The following BOD1 variants were observed in gnomAD, a reference collection of about 807,000 sequenced individuals.
The protein encoded by BOD1 is biorientation of chromosomes in cell division protein 1.
BOD1 carries 11 observed loss-of-function variants against 15.7 expected under a neutral mutation model. That is an observed-to-expected ratio of 0.70 (90% CI 0.44 to 1.16). The LOEUF (loss-of-function observed/expected upper bound fraction) is 1.16, where lower values mean the gene tolerates loss of function less well. Ranked by LOEUF, BOD1 falls within the 50% of genes most tolerant of loss-of-function variation. The probability of loss-of-function intolerance (pLI) is 0.00; values close to 1 mark genes in which losing one functional copy is unlikely to be tolerated. For synonymous variants in BOD1, 105 were observed against 103.5 expected (o/e 1.01, Z -0.09); for missense variants, 182 against 244.5 (o/e 0.74, Z 1.70).
chr5:173,608,637 C>T (rs1298573126), intron 3 of BOD1, among the ~76,000 whole-genome samples: 1 of 152,232 alleles, frequency 6.6e-6, no homozygotes, highest in Non-Finnish European at 1.5e-5. Context: ...CTAACTTCAT[C>T]GCTGCTCCTA....
At chr5:173,615,960 T>C (rs541393427) in intron 1 of BOD1, among the ~76,000 whole-genome samples, 3 of 152,312 alleles carry the variant, frequency 2.0e-5, no homozygotes, top group East Asian at 3.9e-4. Flanking sequence ...AAACCCACAT[T>C]GAAACCCCAA....
At position 173,608,040 on chromosome 5, in the gene BOD1, C is replaced by G. The variant is rs1170944596; in HGVS notation, c.*254G>C. The G allele has an allele frequency of 6.3e-6, 3 of 475,604 alleles. No homozygotes were observed. The East Asian group carries it at 8.7e-5, about 14-fold the overall frequency. 29.5% of individuals were successfully genotyped at this position (475,604 alleles called of 1,614,324 possible). A position where few individuals can be genotyped will look rare whatever the true frequency, so the allele number is the denominator to read the frequency against. On this transcript the variant is annotated 3_prime_UTR_variant, in exon 4 of 4. Coordinates refer to ENST00000311086, the MANE Select transcript of BOD1 (RefSeq NM_138369.3). ...AACCCTGGGTTGCTGTAGTGTTTCT[C>G]TCTCTGTAGTGTCTACTTGGTGTCA...
chr5:173,616,422 G>A lies in BOD1; in HGVS notation c.15C>T (p.Gly5=). 1 of 1,545,004 alleles carries A rather than the reference G, an allele frequency of 6.5e-7. No individual in the cohort carries two copies. Among genetic ancestry groups the A allele is most frequent in the Non-Finnish European group, 8.6e-7 (1 of 1,157,050 alleles). The part of the protein sequence containing the change: MADG[G]GGGGTGAVGG... ...CCACCGCGCCAGTTCCCCCGCCGCC[G>A]CCGCCGTCCGCCATGGCTGCGCCCC... The change falls in exon 1 of 4, where the codon GGC becomes GGT. Residue 5 remains glycine, a synonymous_variant. Transcript: ENST00000311086.
Position 173,608,141 on chromosome 5 carries a change from C to G in BOD1, c.*153G>C. On this transcript the variant is annotated 3_prime_UTR_variant, in exon 4 of 4. Coordinates refer to ENST00000311086, the MANE Select transcript of BOD1 (RefSeq NM_138369.3). ...GTCAACTCTCCCACTGCCGAACTTGCTCCCCTTTCAATCTGGTCACTGCCC... is the reference window on the plus strand; with the variant it reads ...GTCAACTCTCCCACTGCCGAACTTGGTCCCCTTTCAATCTGGTCACTGCCC... The G allele has an allele frequency of 2.2e-6, 2 of 910,036 alleles. No individual in the cohort carries two copies. Among genetic ancestry groups the G allele is most frequent in the Non-Finnish European group, 3.6e-6 (2 of 558,194 alleles). The allele number at this position is 910,036 out of a possible 1,614,324, so 56.4% of individuals were successfully genotyped here. A position where few individuals can be genotyped will look rare whatever the true frequency, so the allele number is the denominator to read the frequency against.
At chr5:173,609,536 A>C (rs1755293713) in intron 2 of BOD1, 102 bp from the exon 3 acceptor site, 2 of 1,200,566 alleles carry the variant, frequency 1.7e-6, no homozygotes, top group East Asian at 4.7e-5. Context: ...CCACCTTCAA[A>C]GCTACAGCCC....
chr5:173,614,194 C>G (rs1445184530), intron 1 of BOD1, among the ~76,000 whole-genome samples: 1 of 152,228 alleles, frequency 6.6e-6, no homozygotes, highest in Non-Finnish European at 1.5e-5. Flanking sequence ...TCCCTGGATT[C>G]CGTAAGACAA....
chr5:173,616,413 C>T lies in BOD1; in HGVS notation c.24G>A (p.Gly8=). The change falls in exon 1 of 4, where the codon GGG becomes GGA. Residue 8 remains glycine, a synonymous_variant. Coordinates refer to ENST00000311086, the MANE Select transcript of BOD1 (RefSeq NM_138369.3). ...CGCCGCCGCCCACCGCGCCAGTTCC[C>T]CCGCCGCCGCCGCCGTCCGCCATGG... is the stretch of plus-strand genomic sequence containing the variant. MADGGGG[G]GTGAVGGGGT... The T allele has an allele frequency of 2.6e-6, 4 of 1,538,442 alleles. No homozygotes were observed. Among genetic ancestry groups the T allele is most frequent in the Non-Finnish European group, 3.5e-6 (4 of 1,153,280 alleles).
At chr5:173,615,508 G>A (rs1755470877) in intron 1 of BOD1, among the ~76,000 whole-genome samples, 1 of 152,150 alleles carries the variant, frequency 6.6e-6, no homozygotes, top group Non-Finnish European at 1.5e-5. Flanking sequence ...GTTTTGAAAA[G>A]GAAGAAAATG....
rs558904730 is a variant in BOD1, at chr5:173,611,235, T to C, written c.363-1801A>G. Among the ~76,000 whole-genome samples, 33 of 152,364 alleles carry C rather than the reference T, an allele frequency of 2.2e-4. No homozygotes were observed. In the South Asian group the frequency reaches 6.6e-3, roughly 31 times the overall value. Reference sequence around the variant, plus strand: ...AAATATTGTACAGTTACAAGAGTTATTCGTCATAATTCAGTGCAATAGCAC... The same window carrying C: ...AAATATTGTACAGTTACAAGAGTTACTCGTCATAATTCAGTGCAATAGCAC... On this transcript the variant is annotated intron_variant, in intron 2 of 3. Transcript: ENST00000311086.
chr5:173,613,393 AATGTGG>A, intron 1 of BOD1, 138 bp from the exon 2 acceptor site: 3 of 1,041,160 alleles, frequency 2.9e-6, no homozygotes, highest in Non-Finnish European at 4.2e-6. Context: ...ATCACCATGC[AATGTGG>A]CAGTCAGGAA....
At chr5:173,612,264 C>T (rs1260134846) in intron 2 of BOD1, among the ~76,000 whole-genome samples, 1 of 152,214 alleles carries the variant, frequency 6.6e-6, no homozygotes, top group Non-Finnish European at 1.5e-5. Context: ...GAGTTCCACA[C>T]GCACCCTTCA....
In BOD1 at chr5:173,609,241, AG is replaced by A. The variant is rs77149540; in HGVS notation, c.555del (p.Ter186LysfsTer8). ...GACAGAAGATAGGATACTGGACCTTAGGAAGTGTCCTGAGATGGAGCTGGAG... is the reference window on the plus strand; with the variant it reads ...GACAGAAGATAGGATACTGGACCTTAGAAGTGTCCTGAGATGGAGCTGGAG... ...QDPPAPSQDT[S>X] On this transcript the variant is annotated frameshift_variant, in exon 3 of 4. Transcript: ENST00000311086. LOFTEE classifies it high-confidence loss of function. The A allele has an allele frequency of 1.1e-4, 174 of 1,613,060 alleles. No homozygotes were observed. The African/African-American group carries it at 2.2e-3, about 20-fold the overall frequency.
At chr5:173,612,896 A>C in intron 2 of BOD1, among the ~76,000 whole-genome samples, 1 of 152,240 alleles carries the variant, frequency 6.6e-6, no homozygotes, top group South Asian at 2.1e-4. Flanking sequence ...ATGCCTTTTG[A>C]TGCACCCAGT....
chr5:173,614,091 A>G (rs759264971), intron 1 of BOD1, among the ~76,000 whole-genome samples: 2 of 152,252 alleles, frequency 1.3e-5, no homozygotes, highest in African/African-American at 4.8e-5. Flanking sequence ...AGTAAAACAG[A>G]TATCAACAGA....
chr5:173,616,584 T>TGGTGGG lies in BOD1; in HGVS notation c.-154_-149dup. On this transcript the variant is annotated 5_prime_UTR_variant, in exon 1 of 4. Transcript: ENST00000311086. ...GAGGTGGCGATGGCGGCAGGGGCGG[T>TGGTGGG]GGTGGGGGCGGCGGCGGCGAAGGCC... The TGGTGGG allele has an allele frequency of 9.5e-6, 13 of 1,362,218 alleles. No individual in the cohort carries two copies. Among genetic ancestry groups the TGGTGGG allele is most frequent in the Non-Finnish European group, 1.1e-5 (12 of 1,064,882 alleles). The allele number at this position is 1,362,218 out of a possible 1,614,324, so 84.4% of individuals were successfully genotyped here. A position where few individuals can be genotyped will look rare whatever the true frequency, so the allele number is the denominator to read the frequency against.
intron 2 of BOD1, among the ~76,000 whole-genome samples, chr5:173,611,213 T>C (rs1003291244): frequency 2.0e-5 from 3 of 152,014 alleles, no homozygotes; most frequent in African/African-American, 7.3e-5. Flanking sequence ...AAAAAACAAA[T>C]ATTGTACAGT....
intron 2 of BOD1, among the ~76,000 whole-genome samples, chr5:173,610,271 C>T (rs116105526): frequency 6.6e-6 from 1 of 152,192 alleles, no homozygotes; most frequent in African/African-American, 2.4e-5. Context: ...TACTTATTTT[C>T]CCGTAGACTT....
At chr5:173,610,593 G>C (rs970766728) in intron 2 of BOD1, among the ~76,000 whole-genome samples, 1 of 152,142 alleles carries the variant, frequency 6.6e-6, no homozygotes, top group African/African-American at 2.4e-5. Flanking sequence ...GTTAAATACA[G>C]CAAAGTTAGC....
rs375077754 is a variant in BOD1, at chr5:173,609,429, C to A, written c.368G>T (p.Gly123Val). The A allele has an allele frequency of 1.9e-6, 3 of 1,614,010 alleles. No individual in the cohort carries two copies. The highest frequency in any genetic ancestry group is 2.5e-6 in the Non-Finnish European group (3 of 1,179,978). Residue 123 changes from glycine (G) to valine (V), a missense_variant, in exon 3 of 4, where the codon GGG becomes GTG. Physicochemically the swap from Gly to Val is moderately radical, Grantham distance 109. Around this residue, in one of 3 missense-constraint regions of BOD1, gnomAD observed 70 missense variants for 130.3 expected, o/e 0.54. Coordinates refer to ENST00000311086, the MANE Select transcript of BOD1 (RefSeq NM_138369.3). ...CCTGTCTACTCCAGCTTCCAACATC[C>A]CTGACCTTGTGGAGACAAACAGATC... ...NGLRQSVVQS[G>V]MLEAGVDRII...
Sources: gnomAD v4.1 joint callset for allele counts (sites outside exome capture counted in the v4.1 genomes callset) on GRCh38, gnomAD v4.1.1 for gene constraint, gnomAD v4.1.1 regional missense constraint, MANE v1.5 for transcripts, NCBI Gene and HGNC (gene_info 2026-07-23, HGNC 2026-07-21) for gene names.